The following BAZ2B variants were observed in gnomAD, a reference collection of about 807,000 sequenced individuals.
The protein encoded by BAZ2B is bromodomain adjacent to zinc finger domain 2B, also known as bromodomain adjacent to zinc finger domain protein 2B.
BAZ2B carries 91 observed loss-of-function variants against 246.0 expected under a neutral mutation model. The ratio of observed to expected loss-of-function variants is 0.37; its 90% CI spans 0.31 to 0.44. The LOEUF (loss-of-function observed/expected upper bound fraction) is 0.44, where lower values mean the gene tolerates loss of function less well. BAZ2B is among the 20% of genes least tolerant of loss of function. The pLI is 1.00. For missense variants in BAZ2B, 2,332 were observed against 2,533.7 expected (o/e 0.92, Z 1.71); for synonymous variants, 855 against 860.0 (o/e 0.99, Z 0.10).
chr2:159,434,047 G>A (rs189455508), intron 8 of BAZ2B: 112 of 152,348 alleles, frequency 7.4e-4, no homozygotes, highest in African/African-American at 2.5e-3. Flanking sequence ...ACCAGGAGCT[G>A]TGGCTCACTG....
Position 159,487,615 on chromosome 2 carries a change from CT to C in BAZ2B, c.-2-8895del, listed in dbSNP as rs747924320. Reference sequence around the variant, plus strand: ...ATTCCTAGTTCTGCATCCTAAACATCTAGACTCTGACCTGTTGAGTCAATCA... The same window carrying C: ...ATTCCTAGTTCTGCATCCTAAACATCAGACTCTGACCTGTTGAGTCAATCA... On this transcript the variant is annotated intron_variant, in intron 2 of 36. Coordinates refer to ENST00000392783, the MANE Select transcript of BAZ2B (RefSeq NM_013450.4). Among the ~76,000 whole-genome samples the C allele has an allele frequency of 2.0e-5, 3 of 152,196 alleles. No individual in the cohort carries two copies. The East Asian group carries it at 5.8e-4, about 29-fold the overall frequency.
In BAZ2B at chr2:159,336,968, C is replaced by A; in HGVS notation, c.5770G>T (p.Ala1924Ser). 6.2e-7 allele frequency: 1 copy of A among 1,606,238 alleles called. No homozygotes were observed. The highest frequency in any genetic ancestry group is 8.5e-7 in the Non-Finnish European group (1 of 1,174,924). Reference protein sequence around the residue: ...LCIQQLQKSIAWEKSIMKVYC... With the variant: ...LCIQQLQKSISWEKSIMKVYC... ...ACTTTCATAATTGATTTTTCCCATG[C>A]TATTGATTTCTGTAATTGCTGAATG... The change falls in exon 33 of 37, where the codon GCA becomes TCA. Residue 1924 changes from alanine (A) to serine (S), a missense_variant. Around this residue, in one of 9 missense-constraint regions of BAZ2B, gnomAD observed 53 missense variants for 62.0 expected, o/e 0.86. Coordinates refer to ENST00000392783, the MANE Select transcript of BAZ2B (RefSeq NM_013450.4).
chr2:159,601,321 TAA>T (rs754072598), intron 1 of BAZ2B, among the ~76,000 whole-genome samples: 9 of 151,892 alleles, frequency 5.9e-5, no homozygotes, highest in Middle Eastern at 3.4e-3. Flanking sequence ...TCCCGATTTT[TAA>T]AAAGTCTAAA....
At chr2:159,541,259 CTTATTA>C (rs56310950) in intron 2 of BAZ2B, among the ~76,000 whole-genome samples, 63,988 of 148,136 alleles carry the variant, frequency 0.43, 13,838 homozygotes, top group South Asian at 0.53. Flanking sequence ...AACAAAAGCC[CTTATTA>C]TTATTATTAT....
At chr2:159,566,904 G>A (rs1162483670) in intron 1 of BAZ2B, among the ~76,000 whole-genome samples, 3 of 151,996 alleles carry the variant, frequency 2.0e-5, no homozygotes, top group East Asian at 1.9e-4. Flanking sequence ...CTAAGGAAAC[G>A]GAGAAAGAAA....
At chr2:159,333,831 T>C (rs1387688326) in intron 33 of BAZ2B, among the ~76,000 whole-genome samples, 3 of 152,124 alleles carry the variant, frequency 2.0e-5, no homozygotes, top group Non-Finnish European at 4.4e-5. Flanking sequence ...AGACACACTA[T>C]TCAAGTTAAC....
chr2:159,358,651 G>T (rs1231549510), intron 27 of BAZ2B, among the ~76,000 whole-genome samples: 1 of 152,116 alleles, frequency 6.6e-6, no homozygotes, highest in Non-Finnish European at 1.5e-5. Context: ...CAAATCAACA[G>T]AATATACATT....
At chr2:159,431,287 A>C in intron 9 of BAZ2B, 131 bp from the exon 10 acceptor site, 1 of 1,303,988 alleles carries the variant, frequency 7.7e-7, no homozygotes, top group Non-Finnish European at 1.0e-6. Flanking sequence ...TTTCCTACAG[A>C]GTAAATGTTA....
chr2:159,530,070 T>G (rs2085214222), intron 2 of BAZ2B, among the ~76,000 whole-genome samples: 1 of 152,232 alleles, frequency 6.6e-6, no homozygotes, highest in Non-Finnish European at 1.5e-5. Flanking sequence ...TACATAATTA[T>G]ATCTTTAGAA....
At chr2:159,426,668 A>G (rs1168835204) in intron 13 of BAZ2B, among the ~76,000 whole-genome samples, 1 of 152,140 alleles carries the variant, frequency 6.6e-6, no homozygotes, top group Non-Finnish European at 1.5e-5. Context: ...TCTTTCTTTA[A>G]AAGTCATGGA....
Position 159,463,110 on chromosome 2 carries a change from C to T in BAZ2B, c.146-9309G>A, listed in dbSNP as rs1183747213. On this transcript the variant is annotated intron_variant, in intron 3 of 36. Transcript: ENST00000392783. ...TATAATGGGCAAATGCACGTGCTGC[C>T]CTTTCCCTGAGGAGACTGTCATTAT... 5 of 679,474 alleles carry T rather than the reference C, an allele frequency of 7.4e-6. No homozygotes were observed. In the South Asian group the frequency reaches 8.2e-5, roughly 11 times the overall value. The allele number at this position is 679,474 out of a possible 1,614,324, so 42.1% of individuals were successfully genotyped here.
chr2:159,373,974 A>G (rs2061129683), intron 26 of BAZ2B, among the ~76,000 whole-genome samples: 1 of 152,146 alleles, frequency 6.6e-6, no homozygotes, highest in African/African-American at 2.4e-5. Flanking sequence ...TACCATACAC[A>G]GGCATCTCGT....
intron 27 of BAZ2B, among the ~76,000 whole-genome samples, chr2:159,366,450 T>C (rs1469315475): frequency 1.3e-5 from 2 of 152,242 alleles, no homozygotes; most frequent in Admixed American, 6.5e-5. Context: ...AGACCTTTAA[T>C]AGTGACTCAA....
chr2:159,597,685 C>T (rs1335363842), intron 1 of BAZ2B, among the ~76,000 whole-genome samples: 1 of 152,114 alleles, frequency 6.6e-6, no homozygotes, highest in Non-Finnish European at 1.5e-5. Flanking sequence ...TGCCACCACA[C>T]CCTCAGGTGA....
At chr2:159,671,870 G>A in the BAZ2B span, among the ~76,000 whole-genome samples, 1 of 152,050 alleles carries the variant, frequency 6.6e-6, no homozygotes, top group Non-Finnish European at 1.5e-5. Context: ...CTAACTGTAT[G>A]TAATATTGTT....
the BAZ2B span, among the ~76,000 whole-genome samples, chr2:159,638,422 T>C: frequency 0.066 from 10,082 of 152,232 alleles, 430 homozygotes; most frequent in Middle Eastern, 0.18. Context: ...GGAACAATCC[T>C]GGAGAAAAAG....
chr2:159,711,011 T>C, the BAZ2B span: 1 of 152,352 alleles, frequency 6.6e-6, no homozygotes, highest in East Asian at 1.9e-4. Flanking sequence ...TTATCTCATC[T>C]AAACAATGCT....
the BAZ2B span, among the ~76,000 whole-genome samples, chr2:159,673,670 C>A: frequency 6.9e-6 from 1 of 144,140 alleles, no homozygotes. Context: ...AATTATGTAG[C>A]TGTAAAAAAA....
At chr2:159,544,666 G>C (rs563306206) in intron 2 of BAZ2B, among the ~76,000 whole-genome samples, 3 of 152,038 alleles carry the variant, frequency 2.0e-5, no homozygotes, top group Admixed American at 6.6e-5. Context: ...AATGTTGGGC[G>C]GAAAGGGAAC....
Sources: allele counts gnomAD v4.1 joint callset (sites outside exome capture counted in the v4.1 genomes callset), GRCh38; gene constraint gnomAD v4.1.1; regional missense constraint gnomAD v4.1.1; transcripts MANE v1.5; gene names NCBI Gene and HGNC (gene_info 2026-07-23, HGNC 2026-07-21).